CCDC88C: variants seen among roughly 807,000 people sequenced by gnomAD.
The protein encoded by CCDC88C is coiled-coil and HOOK domain protein 88C, also known as protein Daple.
In CCDC88C, 131 loss-of-function variants were observed where a neutral mutation model predicts 198.8. That is an observed-to-expected ratio of 0.66 (90% CI 0.57 to 0.76). The LOEUF (loss-of-function observed/expected upper bound fraction) is 0.76, where lower values mean the gene tolerates loss of function less well. Ranked by LOEUF, CCDC88C falls within the 30% of genes least tolerant of loss-of-function variation. The probability of loss-of-function intolerance (pLI) is 0.00; values close to 1 mark genes in which losing one functional copy is unlikely to be tolerated. For missense variants in CCDC88C, 2,553 were observed against 2,631.6 expected (o/e 0.97, Z 0.65); for synonymous variants, 1,166 against 1,114.7 (o/e 1.05, Z -0.92).
intron 3 of CCDC88C, among the ~76,000 whole-genome samples, chr14:91,363,019 G>T (rs943672838): frequency 6.6e-6 from 1 of 151,826 alleles, no homozygotes; most frequent in African/African-American, 2.4e-5. Flanking sequence ...CTCCTAAGAT[G>T]TAATCCTATG....
At chr14:91,318,027 G>A (rs1419421236) in intron 13 of CCDC88C, among the ~76,000 whole-genome samples, 3 of 152,206 alleles carry the variant, frequency 2.0e-5, no homozygotes, top group Non-Finnish European at 4.4e-5. Flanking sequence ...AGAGCTGGAG[G>A]TTCTCATCTT....
At position 91,324,899 on chromosome 14, in the gene CCDC88C, T is replaced by C; in HGVS notation, c.1222A>G (p.Ile408Val). ...ELDRDTDKKR[I>V]EELLEENMVL... is the part of the protein sequence containing the mutation. ...ATGTTTTCTTCCAGCAGCTCCTCAA[T>C]TCGTTTCTTATCTGTGTCCCGGTCC... The change falls in exon 12 of 30, where the codon ATT becomes GTT. Residue 408 changes from isoleucine (I) to valine (V), a missense_variant. Coordinates refer to ENST00000389857, the MANE Select transcript of CCDC88C (RefSeq NM_001080414.4). 1 of 1,613,800 alleles carries C rather than the reference T, an allele frequency of 6.2e-7. No individual in the cohort carries two copies. Among genetic ancestry groups the C allele is most frequent in the South Asian group, 1.1e-5 (1 of 91,078 alleles).
At chr14:91,301,069 A>G (rs1336303987) in intron 20 of CCDC88C, among the ~76,000 whole-genome samples, 1 of 152,198 alleles carries the variant, frequency 6.6e-6, no homozygotes. Context: ...CATGTCTCTA[A>G]CCATTAGCAA....
chr14:91,379,434 A>G, intron 3 of CCDC88C: 1 of 189,454 alleles, frequency 5.3e-6, no homozygotes, highest in South Asian at 1.2e-4. Context: ...AAGGGCTGAA[A>G]TGCAGACACT....
chr14:91,336,740 T>C (rs1893064020), intron 10 of CCDC88C, among the ~76,000 whole-genome samples: 1 of 152,116 alleles, frequency 6.6e-6, no homozygotes, highest in African/African-American at 2.4e-5. Context: ...GCAAAGACAC[T>C]CCCTGAGTGG....
At chr14:91,336,927 G>A (rs1387747514) in intron 10 of CCDC88C, among the ~76,000 whole-genome samples, 1 of 152,240 alleles carries the variant, frequency 6.6e-6, no homozygotes, top group Non-Finnish European at 1.5e-5. Context: ...ACGGTGCTCT[G>A]CCTTCGGTGG....
At chr14:91,391,345 T>C (rs1250186638) in intron 3 of CCDC88C, among the ~76,000 whole-genome samples, 1 of 152,204 alleles carries the variant, frequency 6.6e-6, no homozygotes, top group Non-Finnish European at 1.5e-5. Flanking sequence ...AAGTTTTAAG[T>C]GTACAGTTCA....
intron 23 of CCDC88C, among the ~76,000 whole-genome samples, chr14:91,293,537 GGCCCACCTTCCTGTCCCCTCGCC>G (rs1567055798): frequency 2.8e-4 from 2 of 7,190 alleles, no homozygotes; most frequent in African/African-American, 8.6e-4. Context: ...CACCTGCCAC[GGCCCACCTTCCTGTCCCCTCGCC>G]TGCCACGGCC....
chr14:91,413,433 G>T (rs1050617710), intron 2 of CCDC88C, among the ~76,000 whole-genome samples: 2 of 152,200 alleles, frequency 1.3e-5, no homozygotes, highest in East Asian at 3.8e-4. Context: ...GAACTTGTCT[G>T]CCTGATGCTA....
At position 91,303,984 on chromosome 14, in the gene CCDC88C, G is replaced by T. The variant is rs375400399; in HGVS notation, c.3358-6C>A. The T allele has an allele frequency of 6.3e-7, 1 of 1,595,594 alleles. No individual in the cohort carries two copies. Among genetic ancestry groups the T allele is most frequent in the Non-Finnish European group, 8.5e-7 (1 of 1,172,608 alleles). On this transcript the variant is annotated splice_region_variant and splice_polypyrimidine_tract_variant and intron_variant, in intron 19 of 29. Coordinates refer to ENST00000389857, the MANE Select transcript of CCDC88C (RefSeq NM_001080414.4). ...CTCAGCGTGGAGTTCTCCACCTGCC[G>T]AGAGGGAGAAGCGCGGCGTGGCGCA...
chr14:91,297,338 G>A lies in CCDC88C; in HGVS notation c.3933C>T (p.Asp1311=), dbSNP rs1489021158. The part of the protein sequence containing the change: ...DELKEQHQTM[D]ISLTKLDNHC... ...GGTTGTCCAGCTTGGTCAGCGAGAT[G>A]TCCATGGTCTGGTGCTGCTCCTTCA... The change falls in exon 22 of 30, where the codon GAC becomes GAT. Residue 1311 remains aspartate, a synonymous_variant. Transcript: ENST00000389857. The A allele has an allele frequency of 6.2e-6, 10 of 1,613,636 alleles. No homozygotes were observed. In the East Asian group the frequency reaches 2.2e-4, roughly 36 times the overall value.
chr14:91,333,814 T>C (rs1168077776), intron 10 of CCDC88C, among the ~76,000 whole-genome samples: 3 of 152,282 alleles, frequency 2.0e-5, no homozygotes, highest in Admixed American at 6.5e-5. Context: ...GATCCTGATA[T>C]AGGTAGACAC....
At chr14:91,368,763 G>A (rs1228749796) in intron 3 of CCDC88C, among the ~76,000 whole-genome samples, 2 of 152,148 alleles carry the variant, frequency 1.3e-5, no homozygotes, top group Non-Finnish European at 2.9e-5. Flanking sequence ...GTGTTGGAAC[G>A]TCTACGCTCA....
At position 91,381,900 on chromosome 14, in the gene CCDC88C, C is replaced by A. The variant is rs1318228357; in HGVS notation, c.271-22189G>T. 1.3e-5 allele frequency among the ~76,000 whole-genome samples: 2 copies of A among 152,172 alleles called. No homozygotes were observed. The highest frequency in any genetic ancestry group is 4.8e-5 in the African/African-American group (2 of 41,444). On this transcript the variant is annotated intron_variant, in intron 3 of 29. Transcript: ENST00000389857. This position sits in a 1 kb window ranked among gnomAD's most constrained non-coding sequence, Gnocchi z 4.2. ...TCCTCTCTCCAGTCCGAGCCCACCT[C>A]CCTGCCTCCTTCTTGATGCCTTCCA...
In CCDC88C at chr14:91,338,139, G is replaced by T. The variant is rs758696821; in HGVS notation, c.916C>A (p.Arg306=). The T allele has an allele frequency of 1.2e-6, 2 of 1,613,714 alleles. No individual in the cohort carries two copies. The highest frequency in any genetic ancestry group is 3.3e-5 in the Admixed American group (2 of 60,012). ...TCGTCTCGATAGGCACGAGCAGACCGGGCGTCTGCCGCTAGCTGGATGTTC... is the reference window on the plus strand; with the variant it reads ...TCGTCTCGATAGGCACGAGCAGACCTGGCGTCTGCCGCTAGCTGGATGTTC... The part of the protein sequence containing the change: ...QENIQLAADA[R]SARAYRDELD... The change falls in exon 10 of 30, where the codon CGG becomes AGG. Residue 306 remains arginine (R), a synonymous_variant. Transcript: ENST00000389857. This position sits in a 1 kb window ranked among gnomAD's most constrained non-coding sequence, Gnocchi z 4.8.
In CCDC88C at chr14:91,283,338, G is replaced by A. The variant is rs151102993; in HGVS notation, c.4621C>T (p.Arg1541Cys). Residue 1541 changes from arginine (R) to cysteine (C), a missense_variant, in exon 26 of 30, where the codon CGC (arginine) becomes TGC (cysteine). Arg to Cys is a radical substitution (Grantham distance 180). Coordinates refer to ENST00000389857, the MANE Select transcript of CCDC88C (RefSeq NM_001080414.4). ...AGGGCCTGTGACTCACCTTTGGTGC[G>A]GCCTGGGTGCCGGGCGATGGGGGTG... ...NSTPIARHPGRTKGYNSDDNL... is the reference protein window; with the variant it reads ...NSTPIARHPGCTKGYNSDDNL... The A allele has an allele frequency of 3.3e-4, 532 of 1,613,296 alleles. 3 individuals carry two copies. In the East Asian group the frequency reaches 9.8e-3, roughly 30 times the overall value.
chr14:91,342,494 G>A (rs1424766540), intron 5 of CCDC88C, 31 bp from the exon 6 acceptor site: 15 of 1,422,322 alleles, frequency 1.1e-5, no homozygotes, highest in South Asian at 3.7e-5. Context: ...TAATGGAAGC[G>A]CTGTTCAAGT....
Position 91,313,785 on chromosome 14 carries a change from A to G in CCDC88C, c.2031T>C (p.Thr677=). The stretch of plus-strand genomic sequence containing the variant: ...GCAAGGTGTCCAGAGACTTCCTCAG[A>G]GTCCGGTTCTCCAGCTGCAGGCCCT... ...ESQGLQLENR[T]LRKSLDTLQN... The change falls in exon 15 of 30, where the codon ACT becomes ACC. Residue 677 remains threonine (T), a synonymous_variant. Coordinates refer to ENST00000389857, the MANE Select transcript of CCDC88C (RefSeq NM_001080414.4). The surrounding 1 kb of genome is among the most constrained non-coding windows in gnomAD (Gnocchi z 5.2). 2 of 1,604,938 alleles carry G rather than the reference A, an allele frequency of 1.2e-6. No individual in the cohort carries two copies. Among genetic ancestry groups the G allele is most frequent in the Non-Finnish European group, 8.5e-7 (1 of 1,178,884 alleles).
Position 91,279,236 on chromosome 14 carries a change from A to G in CCDC88C, c.4768+2T>C. The G allele has an allele frequency of 6.3e-7, 1 of 1,589,530 alleles. No individual in the cohort carries two copies. The highest frequency in any genetic ancestry group is 1.1e-5 in the South Asian group (1 of 87,440). On this transcript the variant is annotated splice_donor_variant, in intron 28 of 29. Coordinates refer to ENST00000389857, the MANE Select transcript of CCDC88C (RefSeq NM_001080414.4). LOFTEE classifies it high-confidence loss of function. ...AAAAGTACACAGAAGCACAAGACTT[A>G]CCTTTTAGGTTAAGAGGTGAGCTGT...
Sources: gnomAD v4.1 joint callset for allele counts (sites outside exome capture counted in the v4.1 genomes callset) on GRCh38, gnomAD v4.1.1 for gene constraint, Gnocchi (gnomAD v3.1) non-coding constraint, MANE v1.5 for transcripts, NCBI Gene and HGNC (gene_info 2026-07-23, HGNC 2026-07-21) for gene names.